The following INO80E variants were observed in gnomAD, a reference collection of about 807,000 sequenced individuals.
The protein encoded by INO80E is INO80 complex subunit E.
Under a neutral mutation model 27.3 loss-of-function variants are expected in INO80E, and 20 were observed. That is an observed-to-expected ratio of 0.73 (90% CI 0.51 to 1.06). The LOEUF (loss-of-function observed/expected upper bound fraction) is 1.06, where lower values mean the gene tolerates loss of function less well. Ranked by LOEUF, INO80E falls within the 50% of genes least tolerant of loss-of-function variation. INO80E has a pLI of 0.00. For missense variants in INO80E, 357 were observed against 322.8 expected (o/e 1.11, Z -0.81); for synonymous variants, 167 against 145.9 (o/e 1.14, Z -1.04).
chr16:30,001,726 C>T (rs144796324), intron 6 of INO80E, 196 bp downstream of exon 6: 21 of 557,148 alleles, frequency 3.8e-5, no homozygotes, highest in Admixed American at 2.3e-4. Flanking sequence ...CAGAACCAGC[C>T]TTGGAGGACC....
chr16:30,000,723 C>G (rs2070315892), intron 3 of INO80E, 35 bp from the exon 4 acceptor site: 7 of 1,561,232 alleles, frequency 4.5e-6, no homozygotes, highest in Non-Finnish European at 6.2e-6. Context: ...GACTGGGATC[C>G]CCCCATCCCC....
Position 30,005,340 on chromosome 16 carries a change from C to G in INO80E, c.633C>G (p.Pro211=), listed in dbSNP as rs545788474. The G allele has an allele frequency of 1.2e-5, 18 of 1,503,314 alleles. No individual in the cohort carries two copies. In the South Asian group the frequency reaches 1.8e-4, roughly 15 times the overall value. 93.1% of individuals were successfully genotyped at this position (1,503,314 alleles called of 1,614,324 possible). A position where few individuals can be genotyped will look rare whatever the true frequency, so the allele number is the denominator to read the frequency against. ...TPLPPPKMPP[P]TILSTVPRQM... is the part of the protein sequence containing the mutation. ...TCCCACCCCCTAAGATGCCCCCCCCCACGATCCTGAGCACGGTCCCTCGGC... is the reference window on the plus strand; with the variant it reads ...TCCCACCCCCTAAGATGCCCCCCCCGACGATCCTGAGCACGGTCCCTCGGC... The change falls in exon 7 of 7, where the codon CCC becomes CCG. Residue 211 remains proline (P), a synonymous_variant. Coordinates refer to ENST00000563197, the MANE Select transcript of INO80E (RefSeq NM_173618.3).
intron 1 of INO80E, 56 bp from the exon 2 acceptor site, chr16:29,996,491 T>A (rs1197460493): frequency 6.4e-7 from 1 of 1,551,466 alleles, no homozygotes; most frequent in Admixed American, 2.0e-5. Flanking sequence ...GGCCGCTGGT[T>A]CCGGGGCCCT....
intron 3 of INO80E, chr16:29,999,234 T>C (rs1420240103): frequency 2.0e-5 from 3 of 152,238 alleles, no homozygotes; most frequent in Non-Finnish European, 4.4e-5. Context: ...TTGGCTTTTA[T>C]TGTAGCCTCT....
Position 30,000,944 on chromosome 16 carries a change from G to A in INO80E, c.300G>A (p.Pro100=), listed in dbSNP as rs781420766. The A allele has an allele frequency of 1.7e-5, 27 of 1,588,496 alleles. No individual in the cohort carries two copies. The highest frequency in any genetic ancestry group is 1.7e-4 in the Middle Eastern group (1 of 5,934). Reference sequence around the variant, plus strand: ...CTTTCTCCAGGAAGAGAAGCCCTCCGCTGGGGGGCGCCCCCTCTCCCTCCA... The same window carrying A: ...CTTTCTCCAGGAAGAGAAGCCCTCCACTGGGGGGCGCCCCCTCTCCCTCCA... ...TPAPKRKRSP[P]LGGAPSPSSL... The change falls in exon 5 of 7, where the codon CCG becomes CCA. Residue 100 remains proline, a synonymous_variant. Transcript: ENST00000563197.
In INO80E at chr16:30,003,768, G is replaced by C. The variant is rs1186067460; in HGVS notation, c.514-1453G>C. 2 of 152,394 alleles carry C rather than the reference G, an allele frequency of 1.3e-5. No homozygotes were observed. Among genetic ancestry groups the C allele is most frequent in the East Asian group, 3.8e-4 (2 of 5,198 alleles). 9.4% of individuals were successfully genotyped at this position (152,394 alleles called of 1,614,324 possible). A position where few individuals can be genotyped will look rare whatever the true frequency, so the allele number is the denominator to read the frequency against. On this transcript the variant is annotated intron_variant, in intron 6 of 6. Coordinates refer to ENST00000563197, the MANE Select transcript of INO80E (RefSeq NM_173618.3). The surrounding 1 kb of genome is among the most constrained non-coding windows in gnomAD (Gnocchi z 4.4). ...CCAGTCAGGCTGAGAGGACGCCACT[G>C]AGGAAGTCCAGGCCAGGGTGGGACA...
Position 30,001,048 on chromosome 16 carries a change from G to A in INO80E, c.396+8G>A. ...TCCCCATACCTGAGCTCGGTGAGTT[G>A]GGGTCAGGGATGGGAAGTGCTTGGG... On this transcript the variant is annotated splice_region_variant and intron_variant, in intron 5 of 6. Coordinates refer to ENST00000563197, the MANE Select transcript of INO80E (RefSeq NM_173618.3). 1.3e-6 allele frequency: 2 copies of A among 1,539,438 alleles called. No homozygotes were observed. Among genetic ancestry groups the A allele is most frequent in the South Asian group, 1.2e-5 (1 of 80,734 alleles).
chr16:30,005,565 C>T lies in INO80E; in HGVS notation c.*123C>T, dbSNP rs2070548360. 3 of 983,908 alleles carry T rather than the reference C, an allele frequency of 3.0e-6. No individual in the cohort carries two copies. The highest frequency in any genetic ancestry group is 4.9e-5 in the Admixed American group (2 of 40,600). 60.9% of individuals were successfully genotyped at this position (983,908 alleles called of 1,614,324 possible). On this transcript the variant is annotated 3_prime_UTR_variant, in exon 7 of 7. Transcript: ENST00000563197. ...AGCTGCCATGCTCCGGCCACTGACA[C>T]AACCAGAAAAGGCGTAAACATGCAC...
Position 30,005,207 on chromosome 16 carries a change from T to TC in INO80E, c.514-9dup. On this transcript the variant is annotated splice_polypyrimidine_tract_variant and intron_variant, in intron 6 of 6. Coordinates refer to ENST00000563197, the MANE Select transcript of INO80E (RefSeq NM_173618.3). ...CCCTGACTAGTCCCCCTGTGTTTCT[T>TC]CCCCCTGCTGCAGATGGCGGTGGGA... 7.0e-7 allele frequency: 1 copy of TC among 1,437,444 alleles called. No homozygotes were observed. 89.0% of individuals were successfully genotyped at this position (1,437,444 alleles called of 1,614,324 possible).
rs990800138 is a variant in INO80E at position 30,005,597 on chromosome 16, C to G, written c.*155C>G. The stretch of plus-strand genomic sequence containing the variant: ...AAAAGGCGTAAACATGCACGGGTGT[C>G]CCCCAGGAGGGTGGCAGGGGCCCTG... On this transcript the variant is annotated 3_prime_UTR_variant, in exon 7 of 7. Transcript: ENST00000563197. 18 of 733,854 alleles carry G rather than the reference C, an allele frequency of 2.5e-5. No individual in the cohort carries two copies. The highest frequency in any genetic ancestry group is 4.0e-5 in the Non-Finnish European group (18 of 446,610). 45.5% of individuals were successfully genotyped at this position (733,854 alleles called of 1,614,324 possible). A position where few individuals can be genotyped will look rare whatever the true frequency, so the allele number is the denominator to read the frequency against.
Position 29,996,306 on chromosome 16 carries a change from C to G in INO80E, c.-5C>G. ...CAGACTCTGGGCGCCACTCCCGGGC[C>G]GGTCATGAACGGGCCGGCGGACGGC... is the stretch of plus-strand genomic sequence containing the variant. On this transcript the variant is annotated 5_prime_UTR_variant, in exon 1 of 7. Coordinates refer to ENST00000563197, the MANE Select transcript of INO80E (RefSeq NM_173618.3). The G allele has an allele frequency of 1.3e-6, 2 of 1,590,606 alleles. No individual in the cohort carries two copies. Among genetic ancestry groups the G allele is most frequent in the Non-Finnish European group, 1.7e-6 (2 of 1,168,632 alleles).
At chr16:29,998,121 C>T (rs543907369) in intron 3 of INO80E, among the ~76,000 whole-genome samples, 1 of 152,086 alleles carries the variant, frequency 6.6e-6, no homozygotes, top group South Asian at 2.1e-4. Flanking sequence ...GAAACCCTGT[C>T]TCTACTAAAA....
chr16:29,996,268 G>C lies in INO80E; in HGVS notation c.-43G>C. ...GAGCGGCACGGCAGCCACTGCTTGG[G>C]GTAGCGGGAGGGCAGACTCTGGGCG... On this transcript the variant is annotated 5_prime_UTR_variant, in exon 1 of 7. Transcript: ENST00000563197. 6.5e-7 allele frequency: 1 copy of C among 1,546,704 alleles called. No individual in the cohort carries two copies. The highest frequency in any genetic ancestry group is 8.8e-7 in the Non-Finnish European group (1 of 1,141,682).
In INO80E at chr16:30,005,319, A is replaced by AGCCCCCC; in HGVS notation, c.612_613insGCCCCCC (p.Pro205AlafsTer5). ...TCGGGACAACCCTGACCCCCCTCCC[A>AGCCCCCC]CCCCCTAAGATGCCCCCCCCCACGA... On this transcript the variant is annotated frameshift_variant, in exon 7 of 7. Coordinates refer to ENST00000563197, the MANE Select transcript of INO80E (RefSeq NM_173618.3). LOFTEE classifies it high-confidence loss of function. 3.6e-6 allele frequency: 1 copy of AGCCCCCC among 280,394 alleles called. No individual in the cohort carries two copies. The highest frequency in any genetic ancestry group is 5.2e-6 in the Non-Finnish European group (1 of 190,692). The allele number at this position is 280,394 out of a possible 1,614,324, so 17.4% of individuals were successfully genotyped here. A position where few individuals can be genotyped will look rare whatever the true frequency, so the allele number is the denominator to read the frequency against.
chr16:29,997,430 G>GTT (rs369720609), intron 3 of INO80E, among the ~76,000 whole-genome samples: 19 of 146,386 alleles, frequency 1.3e-4, no homozygotes, highest in African/African-American at 2.5e-4. Flanking sequence ...TTTTTCTTTA[G>GTT]TTTTTTTTTT....
rs764191985 is a variant in INO80E at position 29,996,321 on chromosome 16, C to T, written c.11C>T (p.Pro4Leu). The T allele has an allele frequency of 9.4e-6, 15 of 1,594,456 alleles. No individual in the cohort carries two copies. The South Asian group carries it at 1.6e-4, about 17-fold the overall frequency. MNG[P>L]ADGEVDYKKK... Reference sequence around the variant, plus strand: ...ACTCCCGGGCCGGTCATGAACGGGCCGGCGGACGGCGAAGTGGACTACAAA... The same window carrying T: ...ACTCCCGGGCCGGTCATGAACGGGCTGGCGGACGGCGAAGTGGACTACAAA... The change falls in exon 1 of 7, where the codon CCG (proline) becomes CTG (leucine). Residue 4 changes from proline (P) to leucine (L), a missense_variant. Pro to Leu is a moderately conservative substitution (Grantham distance 98). Transcript: ENST00000563197.
Position 29,996,815 on chromosome 16 carries a change from C to T in INO80E, c.160C>T (p.Leu54=). 1 of 1,614,148 alleles carries T rather than the reference C, an allele frequency of 6.2e-7. No individual in the cohort carries two copies. The highest frequency in any genetic ancestry group is 8.5e-7 in the Non-Finnish European group (1 of 1,179,988). ...LKVSRDKSFL[L]DRLLQYENVD... is the part of the protein sequence containing the mutation. ...CTCCTTCCCTCCCCTCAGTTTCCTCCTAGACCGACTTCTGCAGTACGAGAA... is the reference window on the plus strand; with the variant it reads ...CTCCTTCCCTCCCCTCAGTTTCCTCTTAGACCGACTTCTGCAGTACGAGAA... Residue 54 remains leucine (L), a synonymous_variant, in exon 3 of 7, where the codon CTA becomes TTA. Coordinates refer to ENST00000563197, the MANE Select transcript of INO80E (RefSeq NM_173618.3).
chr16:29,996,470 G>A, intron 1 of INO80E, 77 bp from the exon 2 acceptor site: 1 of 1,551,608 alleles, frequency 6.4e-7, no homozygotes. Context: ...TGTAAAGTGG[G>A]TGGGGCGAGC....
In INO80E at chr16:29,996,822, G is replaced by C. The variant is rs770474513; in HGVS notation, c.167G>C (p.Arg56Pro). 1 of 1,614,116 alleles carries C rather than the reference G, an allele frequency of 6.2e-7. No individual in the cohort carries two copies. Among genetic ancestry groups the C allele is most frequent in the Non-Finnish European group, 8.5e-7 (1 of 1,179,990 alleles). Residue 56 changes from arginine (R) to proline (P), a missense_variant, in exon 3 of 7, where the codon CGA becomes CCA. Coordinates refer to ENST00000563197, the MANE Select transcript of INO80E (RefSeq NM_173618.3). ...CCTCCCCTCAGTTTCCTCCTAGACC[G>C]ACTTCTGCAGTACGAGAACGTGGAT... ...VSRDKSFLLD[R>P]LLQYENVDED... is the part of the protein sequence containing the mutation.
Sources: allele counts gnomAD v4.1 joint callset (sites outside exome capture counted in the v4.1 genomes callset), GRCh38; gene constraint gnomAD v4.1.1; non-coding constraint Gnocchi (gnomAD v3.1); transcripts MANE v1.5; gene names NCBI Gene and HGNC (gene_info 2026-07-23, HGNC 2026-07-21).